The following ABTB3 variants were observed in gnomAD, a reference collection of about 807,000 sequenced individuals.
ABTB3 encodes the protein ankyrin repeat- and BTB/POZ domain-containing protein 3.
At chr12:107,536,146 ACT>A in the ABTB3 span, among the ~76,000 whole-genome samples, 1 of 152,136 alleles carries the variant, frequency 6.6e-6, no homozygotes, top group South Asian at 2.1e-4. Context: ...GGGAAAGGAC[ACT>A]CTTTTCAATA....
chr12:107,648,380 C>CCACACACACACACACA, the ABTB3 span, among the ~76,000 whole-genome samples: 11,465 of 139,928 alleles, frequency 0.082, 669 homozygotes, highest in East Asian at 0.25. Context: ...GACCCCATCT[C>CCACACACACACACACA]CACACACACA....
At chr12:107,359,179 G>A in the ABTB3 span, among the ~76,000 whole-genome samples, 4,176 of 152,290 alleles carry the variant, frequency 0.027, 161 homozygotes, top group African/African-American at 0.085. Context: ...TTGAGGGCTG[G>A]GCAACTGTGA....
chr12:107,437,842 C>T, the ABTB3 span, among the ~76,000 whole-genome samples: 1 of 152,162 alleles, frequency 6.6e-6, no homozygotes, highest in African/African-American at 2.4e-5. Flanking sequence ...CACATTCACA[C>T]ATTCTGGGGA....
the ABTB3 span, among the ~76,000 whole-genome samples, chr12:107,528,687 T>A: frequency 8.5e-5 from 13 of 152,174 alleles, no homozygotes; most frequent in African/African-American, 1.4e-4. Context: ...GCCAACTCCA[T>A]CTCCCATGGC....
At chr12:107,459,314 A>G in the ABTB3 span, among the ~76,000 whole-genome samples, 3 of 152,210 alleles carry the variant, frequency 2.0e-5, no homozygotes, top group African/African-American at 7.2e-5. Flanking sequence ...CCCCATGGTA[A>G]ATTCATTCAT....
chr12:107,437,694 AC>A, the ABTB3 span, among the ~76,000 whole-genome samples: 1 of 151,996 alleles, frequency 6.6e-6, no homozygotes, highest in Admixed American at 6.6e-5. Flanking sequence ...GAGCCACCAC[AC>A]CCGGCCGGAG....
chr12:107,523,588 G>T, the ABTB3 span, among the ~76,000 whole-genome samples: 9 of 152,022 alleles, frequency 5.9e-5, no homozygotes, highest in South Asian at 6.2e-4. Flanking sequence ...TTTTTAATTA[G>T]CATGTGATAT....
the ABTB3 span, among the ~76,000 whole-genome samples, chr12:107,431,996 T>C: frequency 6.6e-6 from 1 of 152,162 alleles, no homozygotes; most frequent in African/African-American, 2.4e-5. Flanking sequence ...TAAGTAAAAA[T>C]GCTTTATTTA....
the ABTB3 span, among the ~76,000 whole-genome samples, chr12:107,634,661 G>A: frequency 6.6e-6 from 1 of 152,192 alleles, no homozygotes; most frequent in Admixed American, 6.5e-5. Flanking sequence ...AACGATGAGG[G>A]TCAAGGACAA....
chr12:107,345,054 G>A, the ABTB3 span, among the ~76,000 whole-genome samples: 1 of 152,192 alleles, frequency 6.6e-6, no homozygotes. Flanking sequence ...AGGCTTGTGA[G>A]ATATGGAGCT....
the ABTB3 span, among the ~76,000 whole-genome samples, chr12:107,459,083 T>C: frequency 6.6e-6 from 1 of 152,200 alleles, no homozygotes; most frequent in Non-Finnish European, 1.5e-5. Flanking sequence ...CATAGACATG[T>C]AGGGTTGGCA....
chr12:107,495,867 T>C, the ABTB3 span, among the ~76,000 whole-genome samples: 3 of 152,190 alleles, frequency 2.0e-5, no homozygotes. Flanking sequence ...CATAGGGTCA[T>C]AGGGTTATTG....
chr12:107,404,086 C>T, the ABTB3 span, among the ~76,000 whole-genome samples: 3 of 148,970 alleles, frequency 2.0e-5, no homozygotes, highest in Non-Finnish European at 4.5e-5. Flanking sequence ...TTGCTTGAAC[C>T]CGGGAGGCAG....
chr12:107,493,470 TTC>T, the ABTB3 span, among the ~76,000 whole-genome samples: 2 of 152,170 alleles, frequency 1.3e-5, no homozygotes, highest in African/African-American at 4.8e-5. Context: ...TGTTAGAACC[TTC>T]TCTCAGCCTC....
chr12:107,436,954 C>A, the ABTB3 span, among the ~76,000 whole-genome samples: 15 of 152,188 alleles, frequency 9.9e-5, no homozygotes, highest in South Asian at 2.9e-3. Flanking sequence ...TTCTGCATCC[C>A]CCCCCGCCGC....
chr12:107,320,605 G>C, the ABTB3 span: 1 of 456,000 alleles, frequency 2.2e-6, no homozygotes, highest in Non-Finnish European at 4.4e-6. Context: ...CTGAATGGTT[G>C]AAAGCTTGCA....
the ABTB3 span, among the ~76,000 whole-genome samples, chr12:107,521,008 C>G: frequency 6.6e-6 from 1 of 152,172 alleles, no homozygotes; most frequent in Non-Finnish European, 1.5e-5. Context: ...AGGAGATTCT[C>G]TAAAACAAAA....
At chr12:107,470,821 C>T in the ABTB3 span, among the ~76,000 whole-genome samples, 6 of 152,124 alleles carry the variant, frequency 3.9e-5, no homozygotes, top group African/African-American at 1.4e-4. Flanking sequence ...CCACCCAGAA[C>T]GGAGAAGGTG....
chr12:107,615,258 A>G, the ABTB3 span: 1 of 925,150 alleles, frequency 1.1e-6, no homozygotes, highest in Admixed American at 2.2e-5. Flanking sequence ...TCTCTAAGAC[A>G]TTCATATTGG....
Sources: allele counts gnomAD v4.1 joint callset (sites outside exome capture counted in the v4.1 genomes callset), GRCh38; gene constraint gnomAD v4.1.1; transcripts MANE v1.5; gene names NCBI Gene and HGNC (gene_info 2026-07-23, HGNC 2026-07-21).